MSANTD2: variants seen among roughly 807,000 people sequenced by gnomAD.
MSANTD2 encodes Myb/SANT DNA binding domain containing 2, also known as myb/SANT-like DNA-binding domain-containing protein 2.
MSANTD2 carries 19 observed loss-of-function variants against 52.6 expected under a neutral mutation model. That is an observed-to-expected ratio of 0.36 (90% confidence interval 0.25 to 0.53). The LOEUF (loss-of-function observed/expected upper bound fraction) is 0.53. Among genes scored for constraint, MSANTD2 ranks in the 20% least tolerant of loss-of-function variants. The probability of loss-of-function intolerance (pLI) is 0.91; values close to 1 mark genes in which losing one functional copy is unlikely to be tolerated. For missense variants in MSANTD2, 558 were observed against 716.3 expected (o/e 0.78, Z 2.52); for synonymous variants, 291 against 289.7 (o/e 1.00, Z -0.04).
Position 124,768,129 on chromosome 11 carries a change from T to A in MSANTD2, c.828-101A>T, listed in dbSNP as rs140252305. The A allele has an allele frequency of 3.2e-4, 350 of 1,097,408 alleles. No individual in the cohort carries two copies. The African/African-American group carries it at 5.1e-3, about 16-fold the overall frequency. 68.0% of individuals were successfully genotyped at this position (1,097,408 alleles called of 1,614,324 possible). ...GAAATGTTCTGTATCTGCTGCCCAA[T>A]ATGGTGGCCACTAGAACATGAAATG... On this transcript the variant is annotated intron_variant, in intron 3 of 3. Transcript: ENST00000374979.
intron 1 of MSANTD2, 69 bp from the exon 2 acceptor site, chr11:124,775,043 T>C (rs1479051293): frequency 7.2e-7 from 1 of 1,380,522 alleles, no homozygotes; most frequent in African/African-American, 1.4e-5. Context: ...ACCACAGATA[T>C]TAATTACTAT....
chr11:124,782,800 G>C (rs540022064), intron 1 of MSANTD2, among the ~76,000 whole-genome samples: 2 of 152,220 alleles, frequency 1.3e-5, no homozygotes, highest in South Asian at 4.2e-4. Context: ...TAAATCACTA[G>C]CAAGAGGATA....
intron 1 of MSANTD2, chr11:124,791,704 G>C: frequency 9.6e-7 from 1 of 1,046,556 alleles, no homozygotes; most frequent in Non-Finnish European, 1.4e-6. Context: ...GCTGGGGAAG[G>C]GGAAAGATGA....
chr11:124,784,731 A>T, intron 1 of MSANTD2: 1 of 906,324 alleles, frequency 1.1e-6, no homozygotes, highest in Non-Finnish European at 1.3e-6. Context: ...TATAATAGAG[A>T]TGTTTCCATT....
intron 1 of MSANTD2, chr11:124,792,356 T>C (rs905920740): frequency 6.6e-6 from 1 of 152,230 alleles, no homozygotes; most frequent in African/African-American, 2.4e-5. Flanking sequence ...TTTCACCACA[T>C]GCCATGCACT....
chr11:124,780,994 C>A (rs1004020512), intron 1 of MSANTD2, among the ~76,000 whole-genome samples: 1 of 152,048 alleles, frequency 6.6e-6, no homozygotes, highest in Non-Finnish European at 1.5e-5. Flanking sequence ...ACCAGCCTGG[C>A]CAATATGGCA....
In MSANTD2 at chr11:124,767,586, C is replaced by T; in HGVS notation, c.1270G>A (p.Ala424Thr). ...GGIPKSPGLY[A>T]IGYEECIERP... ...TCAATACATTCTTCATAGCCAATGG[C>T]ATAAAGGCCTGGGCTTTTAGGAATA... The change falls in exon 4 of 4, where the codon GCC becomes ACC. Residue 424 changes from alanine to threonine, a missense_variant. By Grantham distance (58) the Ala-to-Thr change is moderately conservative. Coordinates refer to ENST00000374979, the MANE Select transcript of MSANTD2 (RefSeq NM_001308027.2). The surrounding 1 kb of genome is among the most constrained non-coding windows in gnomAD (Gnocchi z 6.5). 1 of 1,614,152 alleles carries T rather than the reference C, an allele frequency of 6.2e-7. No homozygotes were observed. Among genetic ancestry groups the T allele is most frequent in the Non-Finnish European group, 8.5e-7 (1 of 1,180,028 alleles).
intron 1 of MSANTD2, among the ~76,000 whole-genome samples, chr11:124,783,441 G>A (rs1945052501): frequency 6.6e-6 from 1 of 152,090 alleles, no homozygotes; most frequent in African/African-American, 2.4e-5. Context: ...GCCAACAGGA[G>A]ATACCCTGTC....
chr11:124,773,830 T>C (rs1161263927), intron 2 of MSANTD2, among the ~76,000 whole-genome samples: 1 of 152,218 alleles, frequency 6.6e-6, no homozygotes, highest in Non-Finnish European at 1.5e-5. Context: ...CTACTTATAC[T>C]TCCTTGGGGG....
In MSANTD2 at chr11:124,791,578, G is replaced by A. The variant is rs1464407324; in HGVS notation, c.510+8293C>T. On this transcript the variant is annotated intron_variant, in intron 1 of 3. Coordinates refer to ENST00000374979, the MANE Select transcript of MSANTD2 (RefSeq NM_001308027.2). The stretch of plus-strand genomic sequence containing the variant: ...TCACCAATGTGACCCTGAGCTGCCA[G>A]TCTCCGAGGAGTAAGCCCGCTGCCC... The A allele has an allele frequency of 9.5e-6, 13 of 1,370,110 alleles. No homozygotes were observed. In the African/African-American group the frequency reaches 1.1e-4, roughly 12 times the overall value. The allele number at this position is 1,370,110 out of a possible 1,614,324, so 84.9% of individuals were successfully genotyped here.
chr11:124,770,659 G>A (rs1017789846), intron 3 of MSANTD2, among the ~76,000 whole-genome samples: 2 of 151,986 alleles, frequency 1.3e-5, no homozygotes, highest in African/African-American at 4.8e-5. Context: ...AGGCTGGAGT[G>A]CAGTGGCACC....
chr11:124,781,370 T>A (rs1403486885), intron 1 of MSANTD2, among the ~76,000 whole-genome samples: 1 of 152,018 alleles, frequency 6.6e-6, no homozygotes, highest in Non-Finnish European at 1.5e-5. Context: ...TCACTTATTG[T>A]CTGATTAACT....
At chr11:124,786,666 T>G (rs947977367) in intron 1 of MSANTD2, among the ~76,000 whole-genome samples, 1 of 152,232 alleles carries the variant, frequency 6.6e-6, no homozygotes, top group African/African-American at 2.4e-5. Context: ...TCTTAAATTC[T>G]TCCTCAGGAC....
chr11:124,788,148 T>C (rs535992895), intron 1 of MSANTD2, among the ~76,000 whole-genome samples: 1 of 151,034 alleles, frequency 6.6e-6, no homozygotes, highest in African/African-American at 2.4e-5. Flanking sequence ...AAGAATATGG[T>C]GACTAACACA....
intron 3 of MSANTD2, among the ~76,000 whole-genome samples, chr11:124,768,398 A>T (rs1339552777): frequency 1.3e-5 from 2 of 152,238 alleles, no homozygotes; most frequent in East Asian, 3.8e-4. Flanking sequence ...TCTATGGATC[A>T]TAATATTTTA....
chr11:124,786,814 G>A lies in MSANTD2; in HGVS notation c.511-11840C>T, dbSNP rs535083693. Among the ~76,000 whole-genome samples the A allele has an allele frequency of 3.4e-3, 519 of 152,264 alleles. 2 individuals carry two copies. Among genetic ancestry groups the A allele is most frequent in the African/African-American group, 0.012 (492 of 41,540 alleles). The stretch of plus-strand genomic sequence containing the variant: ...GGTGTTACTATATGATTTTGGTATC[G>A]TATTTATGAATGTTGATAATCACGT... On this transcript the variant is annotated intron_variant, in intron 1 of 3. Coordinates refer to ENST00000374979, the MANE Select transcript of MSANTD2 (RefSeq NM_001308027.2).
chr11:124,774,334 T>C lies in MSANTD2; in HGVS notation c.766+385A>G, dbSNP rs1376378918. ...CATCTACAGCAGTTGGGCCAAGATA[T>C]CTTAGCAGTCATCTTAGAACTAGAA... On this transcript the variant is annotated intron_variant, in intron 2 of 3. Coordinates refer to ENST00000374979, the MANE Select transcript of MSANTD2 (RefSeq NM_001308027.2). This position sits in a 1 kb window ranked among gnomAD's most constrained non-coding sequence, Gnocchi z 5.1. 7.0e-6 allele frequency among the ~76,000 whole-genome samples: 1 copy of C among 142,602 alleles called. No individual in the cohort carries two copies. Among genetic ancestry groups the C allele is most frequent in the Non-Finnish European group, 1.5e-5 (1 of 66,452 alleles). The allele number at this position is 142,602 out of a possible 152,430, so 93.6% of individuals were successfully genotyped here. A position where few individuals can be genotyped will look rare whatever the true frequency, so the allele number is the denominator to read the frequency against.
At chr11:124,769,677 G>T (rs971811667) in intron 3 of MSANTD2, among the ~76,000 whole-genome samples, 1 of 152,194 alleles carries the variant, frequency 6.6e-6, no homozygotes, top group African/African-American at 2.4e-5. Context: ...AGAAACGTGT[G>T]TTGAATAAAT....
rs1340181724 is a variant in MSANTD2, at chr11:124,781,891, G to C, written c.511-6917C>G. On this transcript the variant is annotated intron_variant, in intron 1 of 3. Coordinates refer to ENST00000374979, the MANE Select transcript of MSANTD2 (RefSeq NM_001308027.2). ...TGGTCTCAAACTCCTGACCTCAGGT[G>C]ATCTGCCTGCCTTGGCCTCCCAAAG... 2.0e-5 allele frequency among the ~76,000 whole-genome samples: 3 copies of C among 152,078 alleles called. No individual in the cohort carries two copies. The South Asian group carries it at 6.2e-4, about 32-fold the overall frequency.
Sources: gnomAD v4.1 joint callset for allele counts (sites outside exome capture counted in the v4.1 genomes callset) on GRCh38, gnomAD v4.1.1 for gene constraint, Gnocchi (gnomAD v3.1) non-coding constraint, MANE v1.5 for transcripts, NCBI Gene and HGNC (gene_info 2026-07-23, HGNC 2026-07-21) for gene names.